RNF13: variants seen among roughly 807,000 people sequenced by gnomAD.
RNF13 encodes E3 ubiquitin-protein ligase RNF13.
Under a neutral mutation model 37.7 loss-of-function variants are expected in RNF13, and 19 were observed. The ratio of observed to expected loss-of-function variants is 0.50; its 90% CI spans 0.35 to 0.74. RNF13 has a LOEUF of 0.74. RNF13 is among the 30% of genes least tolerant of loss of function. The pLI is 0.01. For synonymous variants in RNF13, 144 were observed against 157.8 expected (o/e 0.91, Z 0.65); for missense variants, 375 against 453.0 (o/e 0.83, Z 1.56).
At chr3:149,908,879 T>G (rs1716694573) in intron 6 of RNF13, among the ~76,000 whole-genome samples, 1 of 152,190 alleles carries the variant, frequency 6.6e-6, no homozygotes, top group African/African-American at 2.4e-5. Context: ...GGTTTGAAAT[T>G]AGCCTGGGAA....
chr3:149,817,400 T>C (rs909110658), intron 1 of RNF13: 1 of 152,202 alleles, frequency 6.6e-6, no homozygotes, highest in African/African-American at 2.4e-5. Context: ...AATTGGAGGC[T>C]AGGGATTCTC....
chr3:149,897,800 A>G (rs981987389), intron 5 of RNF13, among the ~76,000 whole-genome samples: 2 of 152,262 alleles, frequency 1.3e-5, no homozygotes, highest in East Asian at 1.9e-4. Context: ...GAATACTGGT[A>G]TCTTATACCA....
At chr3:149,830,973 C>G (rs967955707) in intron 1 of RNF13, among the ~76,000 whole-genome samples, 2 of 152,238 alleles carry the variant, frequency 1.3e-5, no homozygotes, top group African/African-American at 4.8e-5. Context: ...AAACCCCAAG[C>G]ATTGACAGCT....
chr3:149,949,342 G>T (rs563786042), intron 8 of RNF13, among the ~76,000 whole-genome samples: 17 of 151,370 alleles, frequency 1.1e-4, no homozygotes, highest in African/African-American at 3.9e-4. Context: ...CTTTTCTTTC[G>T]AATACATCAT....
chr3:149,907,179 G>C (rs1208509651), intron 6 of RNF13, among the ~76,000 whole-genome samples: 2 of 152,066 alleles, frequency 1.3e-5, no homozygotes, highest in Non-Finnish European at 2.9e-5. Context: ...GTTGATGGCA[G>C]TTTTTTCATA....
At chr3:149,825,407 G>A (rs1006118021) in intron 1 of RNF13, among the ~76,000 whole-genome samples, 3 of 152,056 alleles carry the variant, frequency 2.0e-5, no homozygotes, top group South Asian at 2.1e-4. Flanking sequence ...CAGGTGATCC[G>A]CCTGCCTCGG....
chr3:149,955,203 A>G (rs1721742402), intron 8 of RNF13, among the ~76,000 whole-genome samples: 1 of 152,124 alleles, frequency 6.6e-6, no homozygotes, highest in South Asian at 2.1e-4. Flanking sequence ...AGAGACTGGA[A>G]AAAAGCAACA....
chr3:149,841,567 G>T (rs985002762), intron 1 of RNF13, among the ~76,000 whole-genome samples: 5 of 152,136 alleles, frequency 3.3e-5, no homozygotes, highest in African/African-American at 9.7e-5. Context: ...TCAGAGCAAG[G>T]GTGAGTGGTA....
chr3:149,951,198 T>C (rs1211385869), intron 8 of RNF13, among the ~76,000 whole-genome samples: 1 of 152,088 alleles, frequency 6.6e-6, no homozygotes, highest in East Asian at 1.9e-4. Flanking sequence ...CCAGTACTGG[T>C]TCTTATGGTG....
rs969968737 is a variant in RNF13, at chr3:149,886,693, A to G, written c.322-8780A>G. On this transcript the variant is annotated intron_variant, in intron 4 of 9. Transcript: ENST00000392894. Reference sequence around the variant, plus strand: ...GTCTTTCTGATCCTAGAGAGAAGGCATTAAGTCTTTTAACCTGAAGTATGA... The same window carrying G: ...GTCTTTCTGATCCTAGAGAGAAGGCGTTAAGTCTTTTAACCTGAAGTATGA... 4.6e-5 allele frequency among the ~76,000 whole-genome samples: 7 copies of G among 152,324 alleles called. No homozygotes were observed. In the South Asian group the frequency reaches 6.2e-4, roughly 14 times the overall value.
intron 1 of RNF13, among the ~76,000 whole-genome samples, chr3:149,833,869 T>C (rs1721316015): frequency 1.3e-5 from 2 of 152,048 alleles, no homozygotes; most frequent in Non-Finnish European, 2.9e-5. Context: ...AATCTAAGAT[T>C]CCACAAAAGA....
intron 1 of RNF13, among the ~76,000 whole-genome samples, chr3:149,826,550 G>A (rs148886551): frequency 6.6e-6 from 1 of 152,288 alleles, no homozygotes; most frequent in East Asian, 1.9e-4. Context: ...TGCACACTTA[G>A]AAAACTTGAG....
chr3:149,842,064 C>G (rs898609496), intron 1 of RNF13, among the ~76,000 whole-genome samples: 2 of 151,646 alleles, frequency 1.3e-5, no homozygotes, highest in African/African-American at 2.4e-5. Context: ...TGAAATCAGT[C>G]TCTCTCTCTT....
intron 7 of RNF13, among the ~76,000 whole-genome samples, chr3:149,915,512 G>T (rs1316967874): frequency 1.3e-5 from 2 of 152,034 alleles, no homozygotes; most frequent in East Asian, 3.8e-4. Flanking sequence ...ATACCAAAAA[G>T]AATTCAAAGC....
intron 8 of RNF13, among the ~76,000 whole-genome samples, chr3:149,930,181 G>A (rs970198852): frequency 1.3e-5 from 2 of 152,052 alleles, no homozygotes; most frequent in Non-Finnish European, 1.5e-5. Context: ...TGCCTGCCTC[G>A]GCCTCCCAAA....
chr3:149,839,927 T>C (rs1722002106), intron 1 of RNF13, among the ~76,000 whole-genome samples: 1 of 152,230 alleles, frequency 6.6e-6, no homozygotes, highest in Non-Finnish European at 1.5e-5. Context: ...CATTCTGTCC[T>C]CTTGTACTGT....
intron 1 of RNF13, among the ~76,000 whole-genome samples, chr3:149,820,934 A>G (rs1455150393): frequency 6.6e-6 from 1 of 152,202 alleles, no homozygotes; most frequent in Admixed American, 6.5e-5. Context: ...TCACTTAGCA[A>G]AATGTTTTCA....
chr3:149,832,111 T>C (rs1721115895), intron 1 of RNF13, among the ~76,000 whole-genome samples: 1 of 152,194 alleles, frequency 6.6e-6, no homozygotes, highest in South Asian at 2.1e-4. Context: ...GTACATTTCT[T>C]GAAAAAAACA....
At chr3:149,825,353 A>G (rs938006873) in intron 1 of RNF13, among the ~76,000 whole-genome samples, 2 of 152,092 alleles carry the variant, frequency 1.3e-5, no homozygotes, top group Admixed American at 6.5e-5. Context: ...TAGTAGAGAC[A>G]GGGTTTCACC....
Sources: gnomAD v4.1 joint callset for allele counts (sites outside exome capture counted in the v4.1 genomes callset) on GRCh38, gnomAD v4.1.1 for gene constraint, MANE v1.5 for transcripts, NCBI Gene and HGNC (gene_info 2026-07-23, HGNC 2026-07-21) for gene names.